Variants in AHCY observed in about 807,000 individuals in gnomAD.
AHCY encodes the protein adenosylhomocysteinase.
AHCY carries 24 observed loss-of-function variants against 45.4 expected under a neutral mutation model. The observed-to-expected ratio is 0.53, with a 90% CI of 0.38 to 0.74. AHCY has a LOEUF of 0.74. Among genes scored for constraint, AHCY ranks in the 30% least tolerant of loss-of-function variants. The pLI is 0.00. For synonymous variants in AHCY, 245 were observed against 235.1 expected (o/e 1.04, Z -0.39); for missense variants, 449 against 594.1 (o/e 0.76, Z 2.54).
chr20:34,277,648 G>A (rs1227719325), downstream of AHCY, among the ~76,000 whole-genome samples: 3 of 151,530 alleles, frequency 2.0e-5, no homozygotes, highest in South Asian at 2.1e-4. Context: ...CCAGCTACTC[G>A]GGAGGCTGAG....
At chr20:34,245,423 C>G in the AHCY span, among the ~76,000 whole-genome samples, 5 of 151,048 alleles carry the variant, frequency 3.3e-5, no homozygotes, top group Non-Finnish European at 4.4e-5. Context: ...GAGTCTCACT[C>G]TGTCACCCAG....
intron 1 of AHCY, among the ~76,000 whole-genome samples, chr20:34,308,444 T>A (rs1187906717): frequency 6.6e-6 from 1 of 152,040 alleles, no homozygotes; most frequent in Non-Finnish European, 1.5e-5. Flanking sequence ...CAGTTACTTG[T>A]GAGGCTGAGG....
the AHCY span, among the ~76,000 whole-genome samples, chr20:34,236,613 G>A: frequency 6.6e-6 from 1 of 152,090 alleles, no homozygotes; most frequent in African/African-American, 2.4e-5. Flanking sequence ...CACTTTGGGA[G>A]TCTGGGGTGG....
chr20:34,232,477 A>C, the AHCY span, among the ~76,000 whole-genome samples: 1 of 152,192 alleles, frequency 6.6e-6, no homozygotes, highest in Non-Finnish European at 1.5e-5. Context: ...CATACAGCAT[A>C]GACCACTGTC....
chr20:34,262,395 C>G, the AHCY span, among the ~76,000 whole-genome samples: 1 of 152,166 alleles, frequency 6.6e-6, no homozygotes, highest in Non-Finnish European at 1.5e-5. Context: ...GGCTCCAGAG[C>G]TCTCAGGAAT....
At chr20:34,265,007 G>A in the AHCY span, among the ~76,000 whole-genome samples, 1 of 151,848 alleles carries the variant, frequency 6.6e-6, no homozygotes, top group Non-Finnish European at 1.5e-5. Context: ...TGTTGCCCGG[G>A]CTGGTCTCAA....
intron 1 of AHCY, 171 bp downstream of exon 1, chr20:34,303,072 A>T (rs2036837045): frequency 1.0e-6 from 1 of 985,192 alleles, no homozygotes; most frequent in Non-Finnish European, 1.2e-6. Context: ...CGGCCCGCTC[A>T]TGGCCGCGCG....
the AHCY span, among the ~76,000 whole-genome samples, chr20:34,274,325 G>A: frequency 1.3e-5 from 2 of 152,138 alleles, no homozygotes; most frequent in African/African-American, 2.4e-5. Flanking sequence ...TAAGCAATGT[G>A]TCTAGATAGA....
the AHCY span, among the ~76,000 whole-genome samples, chr20:34,274,689 G>A: frequency 1.3e-5 from 2 of 152,168 alleles, no homozygotes; most frequent in Non-Finnish European, 2.9e-5. Flanking sequence ...GCTCACTCCT[G>A]TAATTCCAGC....
rs890918593 is a variant in AHCY at position 34,303,337 on chromosome 20, C to T, written c.-67G>A. 2.1e-5 allele frequency: 33 copies of T among 1,547,376 alleles called. No individual in the cohort carries two copies. The highest frequency in any genetic ancestry group is 5.9e-5 in the Admixed American group (3 of 50,984). On this transcript the variant is annotated 5_prime_UTR_variant, in exon 1 of 10. Coordinates refer to ENST00000217426, the MANE Select transcript of AHCY (RefSeq NM_000687.4). ...CCTCAGTCTGGGAACAGGAACTGGG[C>T]GGGCAGCGCCGAGCAGGGATATGCG... is the stretch of plus-strand genomic sequence containing the variant.
chr20:34,260,127 C>G, the AHCY span, among the ~76,000 whole-genome samples: 1 of 151,892 alleles, frequency 6.6e-6, no homozygotes, highest in African/African-American at 2.4e-5. Context: ...TGCTTTTTCT[C>G]TTTGCTCCAA....
At chr20:34,260,150 C>T in the AHCY span, among the ~76,000 whole-genome samples, 1 of 151,998 alleles carries the variant, frequency 6.6e-6, no homozygotes, top group Non-Finnish European at 1.5e-5. Flanking sequence ...TCCTTCTGTT[C>T]CTTGTCTTTC....
chr20:34,303,544 G>C (rs62210335), upstream of AHCY, among the ~76,000 whole-genome samples: 6 of 152,200 alleles, frequency 3.9e-5, no homozygotes, highest in African/African-American at 1.4e-4. Context: ...GCCGGGAGAG[G>C]CCTGAGAGCC....
At position 34,280,688 on chromosome 20, in the gene AHCY, G is replaced by C. The variant is rs1290896599; in HGVS notation, c.*346C>G. ...CACACAGGTATAAGTCCACAGACCA[G>C]GTGAAGGCCTAGATGGCAAAACACA... On this transcript the variant is annotated 3_prime_UTR_variant, in exon 10 of 10. Coordinates refer to ENST00000217426, the MANE Select transcript of AHCY (RefSeq NM_000687.4). 2.7e-6 allele frequency: 1 copy of C among 376,152 alleles called. No homozygotes were observed. Among genetic ancestry groups the C allele is most frequent in the African/African-American group, 2.1e-5 (1 of 47,858 alleles). 23.3% of individuals were successfully genotyped at this position (376,152 alleles called of 1,614,324 possible).
downstream of AHCY, among the ~76,000 whole-genome samples, chr20:34,280,091 C>CA (rs567285843): frequency 2.5e-4 from 37 of 149,380 alleles, 1 homozygote; most frequent in South Asian, 1.3e-3. Context: ...GACTCTGTCT[C>CA]AAAAAAAAAC....
At chr20:34,256,438 G>T in the AHCY span, among the ~76,000 whole-genome samples, 1 of 152,182 alleles carries the variant, frequency 6.6e-6, no homozygotes, top group African/African-American at 2.4e-5. Context: ...CACAGACCCA[G>T]TAGGGCTGGA....
chr20:34,302,979 C>A, intron 1 of AHCY: 1 of 985,482 alleles, frequency 1.0e-6, no homozygotes, highest in African/African-American at 1.7e-5. Flanking sequence ...GCGGAGCACG[C>A]CGCCAGTTTG....
At chr20:34,294,389 G>A in intron 2 of AHCY, among the ~76,000 whole-genome samples, 1 of 152,190 alleles carries the variant, frequency 6.6e-6, no homozygotes, top group East Asian at 1.9e-4. Context: ...AAGGGAAAGG[G>A]TGGAAGCAAG....
the AHCY span, among the ~76,000 whole-genome samples, chr20:34,250,370 A>G: frequency 1.3e-3 from 193 of 152,358 alleles, 1 homozygote; most frequent in Non-Finnish European, 1.5e-4. Flanking sequence ...ACAATGCTAA[A>G]ATAAAAATTA....
Sources: allele counts gnomAD v4.1 joint callset (sites outside exome capture counted in the v4.1 genomes callset), GRCh38; gene constraint gnomAD v4.1.1; transcripts MANE v1.5; gene names NCBI Gene and HGNC (gene_info 2026-07-23, HGNC 2026-07-21).